CDH13: variants seen among roughly 807,000 people sequenced by gnomAD.
CDH13 encodes the protein cadherin-13.
A neutral mutation model predicts 63.8 loss-of-function variants in CDH13; 24 were observed. That is an observed-to-expected ratio of 0.38 (90% CI 0.27 to 0.53). CDH13 has a LOEUF of 0.53. Ranked by LOEUF, CDH13 falls within the 20% of genes least tolerant of loss-of-function variation. CDH13 has a pLI of 0.85. For synonymous variants in CDH13, 503 were observed against 355.3 expected, an observed-to-expected ratio of 1.42 and a Z score of -4.67; for missense variants, 1,049 against 903.1, an observed-to-expected ratio of 1.16 and a Z score of -2.07.
chr16:83,508,132 AAG>A (rs2074461253), intron 7 of CDH13, among the ~76,000 whole-genome samples: 1 of 59,714 alleles, frequency 1.7e-5, no homozygotes, highest in African/African-American at 7.1e-5. Context: ...GGAGGAAGGA[AAG>A]GGAAGGGGAG....
intron 1 of CDH13, among the ~76,000 whole-genome samples, chr16:82,643,980 C>G (rs943778594): frequency 4.6e-5 from 7 of 151,992 alleles, no homozygotes; most frequent in African/African-American, 1.7e-4. Context: ...GAACTCCTGG[C>G]TTCAAGTGAT....
chr16:83,512,708 A>G (rs1402931320), intron 7 of CDH13, among the ~76,000 whole-genome samples: 2 of 151,668 alleles, frequency 1.3e-5, no homozygotes, highest in South Asian at 4.2e-4. Flanking sequence ...ATAGTAATAA[A>G]GAAAGTACAT....
chr16:82,810,553 G>A (rs553123838), intron 1 of CDH13, among the ~76,000 whole-genome samples: 8 of 152,210 alleles, frequency 5.3e-5, no homozygotes, highest in Non-Finnish European at 1.0e-4. Flanking sequence ...CTGTGGTGGT[G>A]TAAGTAGCGT....
intron 4 of CDH13, among the ~76,000 whole-genome samples, chr16:83,159,323 G>C (rs909751113): frequency 6.6e-6 from 1 of 152,192 alleles, no homozygotes; most frequent in Non-Finnish European, 1.5e-5. Context: ...AGACCAGAGA[G>C]ATTATTACAA....
At chr16:82,794,098 A>G (rs937184176) in intron 1 of CDH13, among the ~76,000 whole-genome samples, 9 of 152,002 alleles carry the variant, frequency 5.9e-5, no homozygotes, top group Non-Finnish European at 8.8e-5. Flanking sequence ...CTGAGGGAGG[A>G]TGACTTTGAA....
Position 83,498,774 on chromosome 16 carries a change from C to G in CDH13, c.960+12119C>G, listed in dbSNP as rs762348174. Among the ~76,000 whole-genome samples, 4 of 152,124 alleles carry G rather than the reference C, an allele frequency of 2.6e-5. No individual in the cohort carries two copies. In the South Asian group the frequency reaches 8.3e-4, roughly 31 times the overall value. ...TAGATTTTGAACTTTCTTTTTAACA[C>G]AGAAAAGCAAAATACAGTGAAGTTT... On this transcript the variant is annotated intron_variant, in intron 7 of 13. Transcript: ENST00000567109.
intron 13 of CDH13, among the ~76,000 whole-genome samples, chr16:83,793,409 C>T (rs1284701421): frequency 1.3e-5 from 2 of 152,166 alleles, no homozygotes; most frequent in Non-Finnish European, 2.9e-5. Flanking sequence ...GGAGCCAGCC[C>T]CGCAGCTGGC....
intron 1 of CDH13, among the ~76,000 whole-genome samples, chr16:82,698,668 A>G (rs948994796): frequency 6.6e-6 from 1 of 152,208 alleles, no homozygotes; most frequent in African/African-American, 2.4e-5. Flanking sequence ...CTACTGGCCA[A>G]ACATCCCATG....
chr16:83,287,507 C>T (rs1342392978), intron 5 of CDH13, among the ~76,000 whole-genome samples: 1 of 152,160 alleles, frequency 6.6e-6, no homozygotes, highest in Non-Finnish European at 1.5e-5. Context: ...CGAGCATGAA[C>T]CTTATTGCAA....
intron 1 of CDH13, among the ~76,000 whole-genome samples, chr16:82,805,514 C>T (rs866691417): frequency 6.6e-6 from 1 of 152,016 alleles, no homozygotes; most frequent in African/African-American, 2.4e-5. Context: ...AAAATGAGTT[C>T]GGGGGCCTAT....
At chr16:83,049,247 T>C (rs1413595472) in intron 3 of CDH13, among the ~76,000 whole-genome samples, 1 of 151,622 alleles carries the variant, frequency 6.6e-6, no homozygotes, top group East Asian at 1.9e-4. Flanking sequence ...CTTCCCCAGC[T>C]CCTGGCTTTA....
rs138100656 is a variant in CDH13 at position 83,087,911 on chromosome 16, A to G, written c.367-37474A>G. Among the ~76,000 whole-genome samples, 92 of 152,256 alleles carry G rather than the reference A, an allele frequency of 6.0e-4. 1 individual carries two copies. In the East Asian group the frequency reaches 0.017, roughly 29 times the overall value. ...TAGTAATAAGAGCAGCAAGAGAAGA[A>G]AATAGTGTGGCCTTTACCTTTACTG... On this transcript the variant is annotated intron_variant, in intron 3 of 13. Coordinates refer to ENST00000567109, the MANE Select transcript of CDH13 (RefSeq NM_001257.5).
intron 2 of CDH13, among the ~76,000 whole-genome samples, chr16:82,892,668 C>A (rs1212550993): frequency 6.6e-6 from 1 of 152,122 alleles, no homozygotes; most frequent in Non-Finnish European, 1.5e-5. Context: ...GCAAGTTGTT[C>A]TGTCATTTAG....
At chr16:83,110,268 C>T (rs1423308906) in intron 3 of CDH13, among the ~76,000 whole-genome samples, 1 of 152,146 alleles carries the variant, frequency 6.6e-6, no homozygotes, top group Non-Finnish European at 1.5e-5. Flanking sequence ...TTAAAATACT[C>T]AAGAGTCACT....
chr16:83,192,149 C>T (rs1006727160), intron 4 of CDH13, among the ~76,000 whole-genome samples: 2 of 152,186 alleles, frequency 1.3e-5, no homozygotes, highest in Non-Finnish European at 2.9e-5. Context: ...AAGCAAGAGC[C>T]GTTCCTTTGC....
intron 7 of CDH13, among the ~76,000 whole-genome samples, chr16:83,546,315 A>T (rs1327251712): frequency 6.6e-6 from 1 of 152,114 alleles, no homozygotes; most frequent in Non-Finnish European, 1.5e-5. Flanking sequence ...CTTTGTCCGG[A>T]ATTCATGCAT....
chr16:83,556,377 A>C (rs1049742991), intron 7 of CDH13, among the ~76,000 whole-genome samples: 1 of 152,202 alleles, frequency 6.6e-6, no homozygotes, highest in Admixed American at 6.5e-5. Flanking sequence ...GTCTAAATCC[A>C]CCACAGTCCT....
intron 7 of CDH13, among the ~76,000 whole-genome samples, chr16:83,520,871 C>A (rs1290716175): frequency 6.6e-6 from 1 of 152,196 alleles, no homozygotes; most frequent in East Asian, 1.9e-4. Context: ...AGCTCAAAAT[C>A]TTCATCCAAG....
chr16:82,717,755 C>T (rs78612575), intron 1 of CDH13, among the ~76,000 whole-genome samples: 7,205 of 152,256 alleles, frequency 0.047, 236 homozygotes, highest in Middle Eastern at 0.071. Context: ...AATTTGGCCA[C>T]ATCTGCAATG....
Sources: gnomAD v4.1 joint callset for allele counts (sites outside exome capture counted in the v4.1 genomes callset) on GRCh38, gnomAD v4.1.1 for gene constraint, MANE v1.5 for transcripts, NCBI Gene and HGNC (gene_info 2026-07-23, HGNC 2026-07-21) for gene names.